The following ALK variants were observed in gnomAD, a reference collection of about 807,000 sequenced individuals.
The protein encoded by ALK is ALK tyrosine kinase receptor.
ALK carries 74 observed loss-of-function variants against 163.1 expected under a neutral mutation model. The observed-to-expected ratio is 0.45, with a 90% CI of 0.38 to 0.55. The LOEUF is 0.55. ALK is among the 20% of genes least tolerant of loss of function. The pLI, the probability that ALK is intolerant of heterozygous loss-of-function variation, is 0.00. For synonymous variants in ALK, 960 were observed against 843.2 expected, an observed-to-expected ratio of 1.14 and a Z score of -2.40; for missense variants, 2,063 against 2,105.3, an observed-to-expected ratio of 0.98 and a Z score of 0.39.
chr2:29,911,830 A>G (rs1485591237), intron 1 of ALK, among the ~76,000 whole-genome samples: 1 of 152,254 alleles, frequency 6.6e-6, no homozygotes, highest in Non-Finnish European at 1.5e-5. Context: ...GATCATCCAG[A>G]TGTTGGAATT....
At chr2:29,194,887 G>A (rs1463402162) in intron 28 of ALK, among the ~76,000 whole-genome samples, 1 of 152,158 alleles carries the variant, frequency 6.6e-6, no homozygotes, top group African/African-American at 2.4e-5. Flanking sequence ...AAAAACAACT[G>A]TGTGCTAGAT....
At chr2:29,394,639 CCAGA>C (rs1478523135) in intron 4 of ALK, among the ~76,000 whole-genome samples, 3 of 152,140 alleles carry the variant, frequency 2.0e-5, no homozygotes, top group Non-Finnish European at 4.4e-5. Flanking sequence ...CACAAACTTG[CCAGA>C]CAATCTTTCT....
chr2:29,690,432 G>T (rs547992865), intron 3 of ALK, among the ~76,000 whole-genome samples: 11 of 152,270 alleles, frequency 7.2e-5, no homozygotes, highest in South Asian at 2.1e-4. Context: ...TGGGGAGAGG[G>T]CTCTGCAGAT....
intron 9 of ALK, among the ~76,000 whole-genome samples, chr2:29,295,719 T>C (rs1018162109): frequency 6.6e-6 from 1 of 152,150 alleles, no homozygotes; most frequent in African/African-American, 2.4e-5. Flanking sequence ...GCATGCCAAC[T>C]AGCATCACCC....
intron 3 of ALK, among the ~76,000 whole-genome samples, chr2:29,612,514 T>C (rs1159995059): frequency 6.6e-6 from 1 of 152,228 alleles, no homozygotes; most frequent in Admixed American, 6.5e-5. Flanking sequence ...TGAGGTCAAC[T>C]AATGCTCAGC....
intron 1 of ALK, among the ~76,000 whole-genome samples, chr2:29,743,712 T>C (rs1399183861): frequency 6.6e-6 from 1 of 152,190 alleles, no homozygotes; most frequent in African/African-American, 2.4e-5. Context: ...ACCCAACAGA[T>C]GGGGGCTTAA....
At chr2:29,248,070 A>T (rs1003314406) in intron 12 of ALK, among the ~76,000 whole-genome samples, 1 of 152,096 alleles carries the variant, frequency 6.6e-6, no homozygotes, top group African/African-American at 2.4e-5. Context: ...AAGTTATGTG[A>T]CCAATAGACT....
At chr2:29,425,849 G>T (rs970404194) in intron 4 of ALK, among the ~76,000 whole-genome samples, 2 of 152,196 alleles carry the variant, frequency 1.3e-5, no homozygotes, top group African/African-American at 4.8e-5. Context: ...ACAACTGAGA[G>T]GAGACTGGCA....
chr2:29,579,890 G>A (rs1169341205), intron 3 of ALK, among the ~76,000 whole-genome samples: 1 of 152,144 alleles, frequency 6.6e-6, no homozygotes, highest in Non-Finnish European at 1.5e-5. Flanking sequence ...TGTAGGAAAA[G>A]CAATGATTCA....
intron 5 of ALK, among the ~76,000 whole-genome samples, chr2:29,382,842 AT>A: frequency 6.6e-6 from 1 of 152,322 alleles, no homozygotes; most frequent in East Asian, 1.9e-4. Flanking sequence ...ACCAGTTTTG[AT>A]TAAACAACGA....
At chr2:29,359,675 G>A (rs781369266) in intron 5 of ALK, among the ~76,000 whole-genome samples, 2 of 152,092 alleles carry the variant, frequency 1.3e-5, no homozygotes, top group African/African-American at 2.4e-5. Context: ...ATTCATAAAG[G>A]CTCCCAAAGC....
intron 23 of ALK, among the ~76,000 whole-genome samples, chr2:29,214,646 A>C (rs1485369734): frequency 6.6e-6 from 1 of 152,240 alleles, no homozygotes; most frequent in Admixed American, 6.5e-5. Context: ...GCTTTTCCGC[A>C]TGAGGTCTCT....
intron 4 of ALK, among the ~76,000 whole-genome samples, chr2:29,452,832 A>C (rs1670857761): frequency 6.6e-6 from 1 of 152,208 alleles, no homozygotes; most frequent in South Asian, 2.1e-4. Context: ...CCTCTCCATA[A>C]TGTAGAACCT....
At chr2:29,679,175 C>T (rs959434937) in intron 3 of ALK, among the ~76,000 whole-genome samples, 2 of 151,726 alleles carry the variant, frequency 1.3e-5, no homozygotes, top group Non-Finnish European at 2.9e-5. Flanking sequence ...ACAACCACTC[C>T]AGCTTTCTTT....
intron 8 of ALK, among the ~76,000 whole-genome samples, chr2:29,313,967 T>G (rs1344195715): frequency 6.6e-6 from 1 of 152,132 alleles, no homozygotes; most frequent in African/African-American, 2.4e-5. Context: ...AGTTCCTCTC[T>G]TTTTCCCATC....
At chr2:29,734,338 G>A (rs920072829) in intron 1 of ALK, among the ~76,000 whole-genome samples, 3 of 152,082 alleles carry the variant, frequency 2.0e-5, no homozygotes, top group East Asian at 1.9e-4. Flanking sequence ...ACTGTCTAAC[G>A]TTTTCAGATT....
chr2:29,641,030 T>C (rs1357507971), intron 3 of ALK, among the ~76,000 whole-genome samples: 2 of 151,982 alleles, frequency 1.3e-5, no homozygotes, highest in Non-Finnish European at 2.9e-5. Context: ...AACAGTATAG[T>C]GCTTGGCGGG....
intron 1 of ALK, among the ~76,000 whole-genome samples, chr2:29,909,682 G>A (rs1667648692): frequency 6.6e-6 from 1 of 152,214 alleles, no homozygotes; most frequent in African/African-American, 2.4e-5. Context: ...CTCATACATG[G>A]AATTGGGAAA....
At chr2:29,765,242 C>T (rs1680825602) in intron 1 of ALK, among the ~76,000 whole-genome samples, 1 of 152,092 alleles carries the variant, frequency 6.6e-6, no homozygotes, top group African/African-American at 2.4e-5. Flanking sequence ...AAAGCATTGC[C>T]CAAGTATTCA....
Sources: allele counts gnomAD v4.1 joint callset (sites outside exome capture counted in the v4.1 genomes callset), GRCh38; gene constraint gnomAD v4.1.1; transcripts MANE v1.5; gene names NCBI Gene and HGNC (gene_info 2026-07-23, HGNC 2026-07-21).